The following PDE10A variants were observed in gnomAD, a reference collection of about 807,000 sequenced individuals.
The protein encoded by PDE10A is phosphodiesterase 10A.
A neutral mutation model predicts 97.7 loss-of-function variants in PDE10A; 39 were observed. The ratio of observed to expected loss-of-function variants is 0.40; its 90% CI spans 0.31 to 0.52. The LOEUF (loss-of-function observed/expected upper bound fraction) is 0.52. PDE10A is among the 20% of genes least tolerant of loss of function. PDE10A has a pLI of 0.56. For missense variants in PDE10A, 731 were observed against 1,047.8 expected (o/e 0.70, Z 4.17); for synonymous variants, 371 against 376.8 (o/e 0.98, Z 0.18).
chr6:165,454,770 A>G lies in PDE10A; in HGVS notation c.1024-4408T>C, dbSNP rs1179812965. 3.9e-5 allele frequency among the ~76,000 whole-genome samples: 6 copies of G among 152,204 alleles called. No individual in the cohort carries two copies. The South Asian group carries it at 1.0e-3, about 26-fold the overall frequency. ...TCCGGTATAGCAACACAAAACAAAGATAACAGTGTCCCTGGAACTGAACGG... is the reference window on the plus strand; with the variant it reads ...TCCGGTATAGCAACACAAAACAAAGGTAACAGTGTCCCTGGAACTGAACGG... On this transcript the variant is annotated intron_variant, in intron 3 of 21. Transcript: ENST00000539869.
At chr6:165,426,436 G>C (rs1789173281) in intron 10 of PDE10A, among the ~76,000 whole-genome samples, 2 of 152,076 alleles carry the variant, frequency 1.3e-5, no homozygotes, top group Admixed American at 1.3e-4. Flanking sequence ...GGAAAAGAAT[G>C]AAACTGGACC....
chr6:165,522,993 G>A lies in PDE10A; in HGVS notation c.994+20447C>T, dbSNP rs112859732. Among the ~76,000 whole-genome samples, 86 of 151,314 alleles carry A rather than the reference G, an allele frequency of 5.7e-4. 1 individual carries two copies. The highest frequency in any genetic ancestry group is 2.0e-3 in the African/African-American group (81 of 41,212). ...TATACCAACAGTATTCAAACCAAGC[G>A]CCAAATCAAGAATGCAATCCCATTT... On this transcript the variant is annotated intron_variant, in intron 2 of 21. Coordinates refer to ENST00000539869, the MANE Select transcript of PDE10A (RefSeq NM_001385079.1).
intron 1 of PDE10A, among the ~76,000 whole-genome samples, chr6:165,912,571 A>G (rs1782492917): frequency 6.6e-6 from 1 of 152,246 alleles, no homozygotes; most frequent in African/African-American, 2.4e-5. Context: ...TGGCCTAAGC[A>G]CAGTGCTGAA....
At chr6:165,560,566 C>A (rs1784470202) in intron 1 of PDE10A, among the ~76,000 whole-genome samples, 1 of 152,174 alleles carries the variant, frequency 6.6e-6, no homozygotes, top group Admixed American at 6.5e-5. Flanking sequence ...TATGAGACAA[C>A]AGAAAACTAA....
chr6:165,511,262 T>C (rs1400585204), intron 2 of PDE10A, among the ~76,000 whole-genome samples: 1 of 152,008 alleles, frequency 6.6e-6, no homozygotes, highest in East Asian at 1.9e-4. Context: ...TTGATTTTCA[T>C]ATTAATTTCT....
intron 2 of PDE10A, among the ~76,000 whole-genome samples, chr6:165,524,680 C>A (rs915985146): frequency 6.6e-6 from 1 of 152,136 alleles, no homozygotes; most frequent in African/African-American, 2.4e-5. Context: ...AGTCTTATCT[C>A]CTGCAGAGGA....
chr6:165,585,863 T>C (rs1248772470), intron 1 of PDE10A, among the ~76,000 whole-genome samples: 1 of 152,112 alleles, frequency 6.6e-6, no homozygotes, highest in South Asian at 2.1e-4. Context: ...CACAGAGGCA[T>C]GAGAGTGAGG....
intron 2 of PDE10A, among the ~76,000 whole-genome samples, chr6:165,542,632 T>G (rs865834050): frequency 0.014 from 1,969 of 139,198 alleles, 26 homozygotes; most frequent in African/African-American, 0.054. Context: ...TTTTTTTTTT[T>G]TTTTTTGAGA....
intron 3 of PDE10A, among the ~76,000 whole-genome samples, chr6:165,452,938 T>G (rs1252459109): frequency 6.6e-6 from 1 of 151,496 alleles, no homozygotes; most frequent in Non-Finnish European, 1.5e-5. Flanking sequence ...GCTTTACCTT[T>G]CTTAGGAATT....
intron 1 of PDE10A, among the ~76,000 whole-genome samples, chr6:165,805,335 G>A (rs1779105167): frequency 6.6e-6 from 1 of 152,164 alleles, no homozygotes; most frequent in African/African-American, 2.4e-5. Flanking sequence ...GCAGATCCGG[G>A]GCGTCACTTC....
intron 5 of PDE10A, among the ~76,000 whole-genome samples, chr6:165,447,814 T>A (rs1167540538): frequency 6.6e-6 from 1 of 152,114 alleles, no homozygotes; most frequent in Non-Finnish European, 1.5e-5. Flanking sequence ...GCTTGGGAAA[T>A]ACAAGAATGA....
intron 1 of PDE10A, among the ~76,000 whole-genome samples, chr6:165,712,387 C>T (rs755692595): frequency 1.3e-5 from 2 of 152,122 alleles, no homozygotes; most frequent in Non-Finnish European, 2.9e-5. Context: ...CTGTGGGGCT[C>T]GTCTGAGACT....
chr6:165,773,757 G>A (rs903909162), intron 1 of PDE10A, among the ~76,000 whole-genome samples: 1 of 152,030 alleles, frequency 6.6e-6, no homozygotes, highest in Non-Finnish European at 1.5e-5. Flanking sequence ...CTGATGAAAG[G>A]GGAAAAAAAT....
At chr6:165,789,899 T>C (rs962711457) in intron 1 of PDE10A, among the ~76,000 whole-genome samples, 1 of 152,186 alleles carries the variant, frequency 6.6e-6, no homozygotes, top group African/African-American at 2.4e-5. Flanking sequence ...TTTAAACTGA[T>C]AATCAAATTG....
chr6:165,803,020 C>T (rs987892074), intron 1 of PDE10A, among the ~76,000 whole-genome samples: 2 of 152,110 alleles, frequency 1.3e-5, no homozygotes, highest in African/African-American at 4.8e-5. Context: ...ATGCAGATAC[C>T]GTGGTGTCTG....
intron 1 of PDE10A, among the ~76,000 whole-genome samples, chr6:165,918,873 G>A (rs1782677775): frequency 6.6e-6 from 1 of 152,154 alleles, no homozygotes; most frequent in African/African-American, 2.4e-5. Flanking sequence ...CTTTGCAGAT[G>A]TGTTTGCGAC....
At position 165,454,097 on chromosome 6, in the gene PDE10A, T is replaced by G. The variant is rs566921052; in HGVS notation, c.1024-3735A>C. On this transcript the variant is annotated intron_variant, in intron 3 of 21. Transcript: ENST00000539869. ...GTTTCCTCTGTTGAGTTTTGGACTTTTGGGACCAGTTACCCCCTTTCTTGT... is the reference window on the plus strand; with the variant it reads ...GTTTCCTCTGTTGAGTTTTGGACTTGTGGGACCAGTTACCCCCTTTCTTGT... Among the ~76,000 whole-genome samples the G allele has an allele frequency of 2.5e-3, 376 of 152,354 alleles. 4 individuals carry two copies. The highest frequency in any genetic ancestry group is 8.8e-3 in the African/African-American group (368 of 41,598).
intron 1 of PDE10A, among the ~76,000 whole-genome samples, chr6:165,585,436 A>C (rs1189760352): frequency 6.6e-6 from 1 of 152,200 alleles, no homozygotes; most frequent in Non-Finnish European, 1.5e-5. Flanking sequence ...CTTTAAGGAA[A>C]TTATCCTTGA....
intron 1 of PDE10A, chr6:165,940,698 C>G (rs1004031677): frequency 6.6e-6 from 1 of 152,268 alleles, no homozygotes; most frequent in African/African-American, 2.4e-5. Context: ...CTGTGCCTCC[C>G]TGTGAATTCT....
Sources: gnomAD v4.1 joint callset for allele counts (sites outside exome capture counted in the v4.1 genomes callset) on GRCh38, gnomAD v4.1.1 for gene constraint, MANE v1.5 for transcripts, NCBI Gene and HGNC (gene_info 2026-07-23, HGNC 2026-07-21) for gene names.